Variants in TENT4A observed in about 807,000 individuals in gnomAD.
The protein encoded by TENT4A is terminal nucleotidyltransferase 4A.
TENT4A carries 7 observed loss-of-function variants against 72.8 expected under a neutral mutation model. The observed-to-expected ratio is 0.10, with a 90% CI of 0.05 to 0.18. The LOEUF is 0.18. Ranked by LOEUF, TENT4A falls within the 10% of genes least tolerant of loss-of-function variation. TENT4A has a pLI of 1.00. For synonymous variants in TENT4A, 456 were observed against 434.3 expected, an observed-to-expected ratio of 1.05 and a Z score of -0.62; for missense variants, 831 against 1,017.7, an observed-to-expected ratio of 0.82 and a Z score of 2.50.
At chr5:6,750,666 G>C in intron 10 of TENT4A, 163 bp downstream of exon 10, 1 of 622,114 alleles carries the variant, frequency 1.6e-6, no homozygotes. Flanking sequence ...TGGGCACCAG[G>C]CTTCCTTTCC....
chr5:6,725,707 T>G (rs929264417), intron 1 of TENT4A, among the ~76,000 whole-genome samples: 46 of 152,330 alleles, frequency 3.0e-4, no homozygotes, highest in African/African-American at 9.9e-4. Context: ...CAGAAAGCTC[T>G]AAAGTCACTC....
intron 1 of TENT4A, among the ~76,000 whole-genome samples, chr5:6,737,054 C>G (rs1741545147): frequency 6.6e-6 from 1 of 152,236 alleles, no homozygotes; most frequent in Admixed American, 6.5e-5. Context: ...TTCCCCACAC[C>G]TTGGCCCATT....
chr5:6,749,490 C>G, intron 8 of TENT4A, 67 bp from the exon 9 acceptor site: 1 of 974,188 alleles, frequency 1.0e-6, no homozygotes, highest in Non-Finnish European at 1.7e-6. Flanking sequence ...GGTAGCTGTT[C>G]GAGAGGGGTT....
intron 7 of TENT4A, among the ~76,000 whole-genome samples, chr5:6,746,693 A>AT (rs1467270587): frequency 1.3e-5 from 2 of 152,258 alleles, no homozygotes; most frequent in African/African-American, 4.8e-5. Flanking sequence ...GAAGTATAAC[A>AT]TATCCACCCT....
intron 4 of TENT4A, among the ~76,000 whole-genome samples, chr5:6,740,989 G>A (rs1235011093): frequency 1.2e-4 from 18 of 152,216 alleles, no homozygotes; most frequent in Non-Finnish European, 1.5e-5. Flanking sequence ...AGTCCAGGCC[G>A]CTGTTGTCTG....
rs959586156 is a variant in TENT4A at position 6,755,294 on chromosome 5, T to C, written c.*349T>C. On this transcript the variant is annotated 3_prime_UTR_variant, in exon 13 of 13. Transcript: ENST00000230859. ...TTCGCGGTTTGCTATTTTCATTTCC[T>C]GTTCGTCAAAGCAGCAGAGGAGATC... 2 of 193,752 alleles carry C rather than the reference T, an allele frequency of 1.0e-5. No homozygotes were observed. The highest frequency in any genetic ancestry group is 2.1e-5 in the Non-Finnish European group (2 of 95,550). 12.0% of individuals were successfully genotyped at this position (193,752 alleles called of 1,614,324 possible).
At chr5:6,728,639 G>A (rs1741060299) in intron 1 of TENT4A, among the ~76,000 whole-genome samples, 2 of 152,232 alleles carry the variant, frequency 1.3e-5, no homozygotes, top group African/African-American at 4.8e-5. Context: ...CACAGCGTCA[G>A]CAGCATGAGG....
chr5:6,720,303 TGAGGG>T (rs1015222206), intron 1 of TENT4A, among the ~76,000 whole-genome samples: 15 of 152,116 alleles, frequency 9.9e-5, no homozygotes, highest in Non-Finnish European at 2.1e-4. Flanking sequence ...TGTAGGACCT[TGAGGG>T]GAGGAGGTTC....
At chr5:6,738,313 C>G (rs1741617543) in intron 2 of TENT4A, among the ~76,000 whole-genome samples, 1 of 152,090 alleles carries the variant, frequency 6.6e-6, no homozygotes. Context: ...TAAAATGATA[C>G]AGATTTTTGG....
chr5:6,750,640 G>A, intron 10 of TENT4A, 137 bp downstream of exon 10: 1 of 771,352 alleles, frequency 1.3e-6, no homozygotes, highest in South Asian at 2.0e-5. Flanking sequence ...GGTGGGTGGG[G>A]GGCAGCCCCG....
In TENT4A at chr5:6,714,630, GC is replaced by G; in HGVS notation, c.651del (p.Ala219ProfsTer26). 1 of 1,198,468 alleles carries G rather than the reference GC, an allele frequency of 8.3e-7. No homozygotes were observed. 74.2% of individuals were successfully genotyped at this position (1,198,468 alleles called of 1,614,324 possible). On this transcript the variant is annotated frameshift_variant, in exon 1 of 13. Transcript: ENST00000230859. LOFTEE classifies it high-confidence loss of function. ...SRAAALSGGG[G>X]PGAQAPRPGT... ...GCGGCCGCTCTCAGCGGAGGGGGCG[GC>G]CCCGGGGCCCAGGCGCCGCGGCCCG...
intron 1 of TENT4A, among the ~76,000 whole-genome samples, chr5:6,729,306 T>C (rs898718567): frequency 2.6e-5 from 4 of 152,232 alleles, no homozygotes; most frequent in African/African-American, 9.6e-5. Context: ...GAGGATCTAG[T>C]GCAAATGTTA....
At chr5:6,753,972 G>A (rs539317866) in intron 12 of TENT4A, among the ~76,000 whole-genome samples, 29 of 152,296 alleles carry the variant, frequency 1.9e-4, no homozygotes, top group African/African-American at 6.0e-4. Flanking sequence ...TCCTGAAGCC[G>A]GCGTGTGTTC....
chr5:6,755,057 C>A lies in TENT4A; in HGVS notation c.*112C>A. 1.1e-6 allele frequency: 1 copy of A among 877,572 alleles called. No homozygotes were observed. Among genetic ancestry groups the A allele is most frequent in the Non-Finnish European group, 1.7e-6 (1 of 602,630 alleles). 54.4% of individuals were successfully genotyped at this position (877,572 alleles called of 1,614,324 possible). A position where few individuals can be genotyped will look rare whatever the true frequency, so the allele number is the denominator to read the frequency against. ...CCGCACGTCAGCCGGGCTCGCGGCA[C>A]GCCCGCCGCTGATCACTCTGCATGT... On this transcript the variant is annotated 3_prime_UTR_variant, in exon 13 of 13. Coordinates refer to ENST00000230859, the MANE Select transcript of TENT4A (RefSeq NM_006999.6).
Position 6,714,588 on chromosome 5 carries a change from T to C in TENT4A, c.605T>C (p.Leu202Pro). ...GCCAGCACCTACGGCCTCAACTACC[T>C]GCTGTCCGGCAGCCGCGCGGCCGCT... ...NKASTYGLNY[L>P]LSGSRAAALS... Residue 202 changes from leucine to proline, a missense_variant, in exon 1 of 13, where the codon CTG becomes CCG. Around this residue, in one of 3 missense-constraint regions of TENT4A, gnomAD observed 302 missense variants for 293.8 expected, o/e 1.03. Coordinates refer to ENST00000230859, the MANE Select transcript of TENT4A (RefSeq NM_006999.6). 1 of 1,198,134 alleles carries C rather than the reference T, an allele frequency of 8.3e-7. No homozygotes were observed. Among genetic ancestry groups the C allele is most frequent in the Admixed American group, 4.5e-5 (1 of 22,444 alleles). 74.2% of individuals were successfully genotyped at this position (1,198,134 alleles called of 1,614,324 possible). A position where few individuals can be genotyped will look rare whatever the true frequency, so the allele number is the denominator to read the frequency against.
At chr5:6,740,787 G>T (rs1214408375) in intron 4 of TENT4A, among the ~76,000 whole-genome samples, 1 of 152,240 alleles carries the variant, frequency 6.6e-6, no homozygotes, top group African/African-American at 2.4e-5. Flanking sequence ...GGTTCCAGAA[G>T]GGGCTGTTGG....
chr5:6,739,819 G>C lies in TENT4A; in HGVS notation c.975G>C (p.Glu325Asp), dbSNP rs772421168. ...CCCTGCGGAAGCACAACGTGGCTGA[G>C]CCGTGTTCCATCAAAGTCCTTGACA... The part of the protein sequence containing the change: ...EQALRKHNVA[E>D]PCSIKVLDKA... Residue 325 changes from glutamate to aspartate, a missense_variant, in exon 4 of 13, where the codon GAG becomes GAC. Glu to Asp is a conservative substitution (Grantham distance 45, BLOSUM62 2). This residue lies in a region of TENT4A where 197 missense variants were observed against 399.6 expected (regional missense o/e 0.49). Transcript: ENST00000230859. The C allele has an allele frequency of 6.2e-7, 1 of 1,614,202 alleles. No individual in the cohort carries two copies. The highest frequency in any genetic ancestry group is 8.5e-7 in the Non-Finnish European group (1 of 1,180,008).
intron 4 of TENT4A, among the ~76,000 whole-genome samples, chr5:6,741,638 A>C (rs1741811685): frequency 6.6e-6 from 1 of 152,226 alleles, no homozygotes; most frequent in Non-Finnish European, 1.5e-5. Flanking sequence ...AGTGGTGTCC[A>C]GGTGACTCTG....
intron 3 of TENT4A, 56 bp from the exon 4 acceptor site, chr5:6,739,676 G>T: frequency 6.3e-7 from 1 of 1,598,812 alleles, no homozygotes; most frequent in South Asian, 1.1e-5. Flanking sequence ...CTCCCCACAC[G>T]AGTGTGTAGG....
Sources: gnomAD v4.1 joint callset for allele counts (sites outside exome capture counted in the v4.1 genomes callset) on GRCh38, gnomAD v4.1.1 for gene constraint, gnomAD v4.1.1 regional missense constraint, MANE v1.5 for transcripts, NCBI Gene and HGNC (gene_info 2026-07-23, HGNC 2026-07-21) for gene names.